TBC1D22A: variants seen among roughly 807,000 people sequenced by gnomAD.
TBC1D22A encodes TBC1 domain family member 22A.
In TBC1D22A, 38 loss-of-function variants were observed where a neutral mutation model predicts 60.2. The ratio of observed to expected loss-of-function variants is 0.63; its 90% CI spans 0.49 to 0.83. The LOEUF (loss-of-function observed/expected upper bound fraction) is 0.83, where lower values mean the gene tolerates loss of function less well. Among genes scored for constraint, TBC1D22A ranks in the 40% least tolerant of loss-of-function variants. TBC1D22A has a pLI of 0.00. For synonymous variants in TBC1D22A, 302 were observed against 281.7 expected, an observed-to-expected ratio of 1.07 and a Z score of -0.72; for missense variants, 628 against 701.0, an observed-to-expected ratio of 0.90 and a Z score of 1.18.
At chr22:46,975,671 T>G (rs1008617848) in intron 9 of TBC1D22A, among the ~76,000 whole-genome samples, 3 of 152,240 alleles carry the variant, frequency 2.0e-5, no homozygotes, top group Non-Finnish European at 4.4e-5. Context: ...CTGATACCAC[T>G]AAGTGAAGAG....
At chr22:46,927,021 G>T (rs930137283) in intron 8 of TBC1D22A, among the ~76,000 whole-genome samples, 2 of 152,098 alleles carry the variant, frequency 1.3e-5, no homozygotes, top group Admixed American at 1.3e-4. Context: ...TTTTATCAAA[G>T]GTTTAACAAA....
At chr22:46,995,799 G>C (rs2075103844) in intron 9 of TBC1D22A, among the ~76,000 whole-genome samples, 2 of 152,152 alleles carry the variant, frequency 1.3e-5, no homozygotes, top group South Asian at 4.1e-4. Flanking sequence ...CACAGCACAG[G>C]GAGGCCTGCC....
intron 7 of TBC1D22A, among the ~76,000 whole-genome samples, chr22:46,907,002 G>A (rs150050806): frequency 5.3e-5 from 8 of 151,870 alleles, no homozygotes; most frequent in Admixed American, 6.6e-5. Flanking sequence ...CTGTGTACAC[G>A]GGCTTTTCTC....
Position 46,809,218 on chromosome 22 carries a change from T to C in TBC1D22A, c.637+11598T>C, listed in dbSNP as rs1488486697. On this transcript the variant is annotated intron_variant, in intron 4 of 12. Coordinates refer to ENST00000337137, the MANE Select transcript of TBC1D22A (RefSeq NM_014346.5). ...CGGCTTGCAGATGCCACATTTTTGC[T>C]GAGTTGTCACATGGCATTTCTTCTG... Among the ~76,000 whole-genome samples the C allele has an allele frequency of 2.0e-5, 3 of 152,244 alleles. No homozygotes were observed. The East Asian group carries it at 5.8e-4, about 29-fold the overall frequency.
chr22:47,140,291 G>T (rs2067030387), intron 12 of TBC1D22A, among the ~76,000 whole-genome samples: 1 of 152,136 alleles, frequency 6.6e-6, no homozygotes, highest in Admixed American at 6.5e-5. Context: ...GCTACTGTGG[G>T]CCGGGCGTGG....
Position 46,894,903 on chromosome 22 carries a change from T to A in TBC1D22A, c.900+57T>A, listed in dbSNP as rs562783677. ...CGTTGGGAGTGGCTGATGCCCACTG[T>A]GCTAACCAGACAGTGGGCGCAGCCG... On this transcript the variant is annotated intron_variant, in intron 7 of 12. Transcript: ENST00000337137. The A allele has an allele frequency of 4.4e-6, 7 of 1,594,068 alleles. No homozygotes were observed. The East Asian group carries it at 1.3e-4, about 31-fold the overall frequency.
At chr22:46,932,720 C>CTTTTTTTTTTTTTTTT (rs67463903) in intron 8 of TBC1D22A, among the ~76,000 whole-genome samples, 3 of 66,322 alleles carry the variant, frequency 4.5e-5, no homozygotes, top group African/African-American at 2.0e-4. Context: ...GTCCTTCTTG[C>CTTTTTTTTTTTTTTTT]TTTTTTTTTT....
chr22:47,107,130 A>G (rs1297961065), intron 11 of TBC1D22A, among the ~76,000 whole-genome samples: 1 of 152,242 alleles, frequency 6.6e-6, no homozygotes, highest in East Asian at 1.9e-4. Flanking sequence ...TATACATGTT[A>G]AAATTTGTAG....
At chr22:46,978,713 G>A (rs1339725469) in intron 9 of TBC1D22A, among the ~76,000 whole-genome samples, 6 of 152,102 alleles carry the variant, frequency 3.9e-5, no homozygotes, top group African/African-American at 1.4e-4. Flanking sequence ...AGGTTCAAGC[G>A]ATTCTCCGCC....
intron 12 of TBC1D22A, among the ~76,000 whole-genome samples, chr22:47,165,587 G>T (rs1267783496): frequency 6.6e-6 from 1 of 152,158 alleles, no homozygotes; most frequent in Non-Finnish European, 1.5e-5. Context: ...CCCGACAGTG[G>T]TATGGGGAAT....
chr22:46,988,658 G>C (rs970258340), intron 9 of TBC1D22A, among the ~76,000 whole-genome samples: 2 of 152,176 alleles, frequency 1.3e-5, no homozygotes, highest in African/African-American at 4.8e-5. Flanking sequence ...TCAAATACTT[G>C]GTAAACCCTG....
At chr22:46,819,252 A>C (rs546985769) in intron 4 of TBC1D22A, among the ~76,000 whole-genome samples, 1 of 152,328 alleles carries the variant, frequency 6.6e-6, no homozygotes, top group African/African-American at 2.4e-5. Flanking sequence ...TGCCCTGGCC[A>C]GAACTTCCAG....
intron 10 of TBC1D22A, among the ~76,000 whole-genome samples, chr22:47,029,765 A>G (rs2062401397): frequency 6.6e-6 from 1 of 152,126 alleles, no homozygotes; most frequent in Admixed American, 6.5e-5. Flanking sequence ...CTTGAGCCCC[A>G]TCTCTCTCTC....
chr22:46,864,757 C>T (rs1331751020), intron 4 of TBC1D22A, among the ~76,000 whole-genome samples: 1 of 152,104 alleles, frequency 6.6e-6, no homozygotes, highest in Admixed American at 6.5e-5. Flanking sequence ...TTATGGAGTG[C>T]CAGTGGTGTT....
chr22:47,050,578 C>T (rs978554463), intron 11 of TBC1D22A, among the ~76,000 whole-genome samples: 4 of 152,202 alleles, frequency 2.6e-5, no homozygotes, highest in Admixed American at 6.5e-5. Flanking sequence ...CTTGGGACCG[C>T]GTGTGAGGCC....
chr22:46,870,239 G>A (rs2067240358), intron 4 of TBC1D22A, among the ~76,000 whole-genome samples: 1 of 152,234 alleles, frequency 6.6e-6, no homozygotes, highest in Non-Finnish European at 1.5e-5. Flanking sequence ...CAGGTGCACT[G>A]AACCCACAAC....
intron 8 of TBC1D22A, among the ~76,000 whole-genome samples, chr22:46,969,317 C>T (rs371268543): frequency 6.6e-6 from 1 of 152,216 alleles, no homozygotes; most frequent in Non-Finnish European, 1.5e-5. Flanking sequence ...CCCACTCCCC[C>T]CACCTTGCAG....
chr22:47,000,419 T>G (rs964001518), intron 10 of TBC1D22A, among the ~76,000 whole-genome samples: 2 of 152,218 alleles, frequency 1.3e-5, no homozygotes, highest in African/African-American at 4.8e-5. Flanking sequence ...AGTTTCTTCC[T>G]ATCTTGAGTA....
At chr22:47,000,970 GGT>G (rs978025925) in intron 10 of TBC1D22A, among the ~76,000 whole-genome samples, 8 of 152,160 alleles carry the variant, frequency 5.3e-5, no homozygotes, top group African/African-American at 1.7e-4. Context: ...CAGTGTTCTG[GGT>G]GTGTGTTTCC....
Sources: gnomAD v4.1 joint callset for allele counts (sites outside exome capture counted in the v4.1 genomes callset) on GRCh38, gnomAD v4.1.1 for gene constraint, MANE v1.5 for transcripts, NCBI Gene and HGNC (gene_info 2026-07-23, HGNC 2026-07-21) for gene names.